The following NDRG4 variants were observed in gnomAD, a reference collection of about 807,000 sequenced individuals.
NDRG4 encodes the protein NDRG family member 4, also known as protein NDRG4.
NDRG4 carries 38 observed loss-of-function variants against 55.8 expected under a neutral mutation model. The ratio of observed to expected loss-of-function variants is 0.68; its 90% CI spans 0.53 to 0.89. NDRG4 has a LOEUF of 0.89. Among genes scored for constraint, NDRG4 ranks in the 40% least tolerant of loss-of-function variants. The pLI, the probability that NDRG4 is intolerant of heterozygous loss-of-function variation, is 0.00. For synonymous variants in NDRG4, 190 were observed against 182.7 expected (o/e 1.04, Z -0.32); for missense variants, 455 against 468.6 (o/e 0.97, Z 0.27).
intron 5 of NDRG4, among the ~76,000 whole-genome samples, chr16:58,505,166 G>A (rs558288013): frequency 8.6e-4 from 131 of 152,098 alleles, no homozygotes; most frequent in East Asian, 2.9e-3. Flanking sequence ...TGGCTAACAC[G>A]GTGAAACCCA....
At chr16:58,505,767 G>A (rs2037884060) in intron 5 of NDRG4, among the ~76,000 whole-genome samples, 1 of 121,988 alleles carries the variant, frequency 8.2e-6, no homozygotes, top group Admixed American at 1.0e-4. Flanking sequence ...TGTCGTCCAG[G>A]CTGGAGTGCA....
chr16:58,508,568 G>A (rs1458011776), intron 10 of NDRG4, among the ~76,000 whole-genome samples: 1 of 152,146 alleles, frequency 6.6e-6, no homozygotes, highest in African/African-American at 2.4e-5. Context: ...CCCACTGGGA[G>A]GTCCTGGAAG....
rs1486534611 is a variant in NDRG4 at position 58,512,908 on chromosome 16, G to T, written c.*1332G>T. 1 of 152,658 alleles carries T rather than the reference G, an allele frequency of 6.6e-6. No individual in the cohort carries two copies. The highest frequency in any genetic ancestry group is 1.9e-4 in the East Asian group (1 of 5,188). 9.5% of individuals were successfully genotyped at this position (152,658 alleles called of 1,614,324 possible). On this transcript the variant is annotated 3_prime_UTR_variant, in exon 15 of 15. Transcript: ENST00000570248. ...TGTGGACGGGGGAAGGGTTGTGGCG[G>T]GTGTTCTGAGGCTGAGAGGACACCT...
upstream of NDRG4, chr16:58,499,998 T>C (rs1018025348): frequency 2.1e-5 from 21 of 1,012,980 alleles, no homozygotes; most frequent in Non-Finnish European, 2.8e-5. Context: ...AGAAGCCAAT[T>C]GGAGCCAGGC....
chr16:58,505,138 A>G (rs905083474), intron 5 of NDRG4, among the ~76,000 whole-genome samples: 1 of 152,190 alleles, frequency 6.6e-6, no homozygotes, highest in Non-Finnish European at 1.5e-5. Flanking sequence ...TCACGAGGTC[A>G]GGAGATCAAG....
chr16:58,503,894 G>A lies in NDRG4; in HGVS notation c.118G>A (p.Gly40Ser). 1 of 1,613,666 alleles carries A rather than the reference G, an allele frequency of 6.2e-7. No homozygotes were observed. The highest frequency in any genetic ancestry group is 8.5e-7 in the Non-Finnish European group (1 of 1,179,968). ...RPAILTYHDV[G>S]LNHKLCFNTF... is the part of the protein sequence containing the mutation. ...AGCCATCCTCACCTACCATGATGTGGGCCTCAACCGTAAGTGCAGCCCAGC... is the reference window on the plus strand; with the variant it reads ...AGCCATCCTCACCTACCATGATGTGAGCCTCAACCGTAAGTGCAGCCCAGC... Residue 40 changes from glycine (G) to serine (S), a missense_variant, in exon 2 of 15, where the codon GGC becomes AGC. Transcript: ENST00000570248.
At chr16:58,465,955 C>T (rs999512827) in intron 1 of NDRG4, among the ~76,000 whole-genome samples, 1 of 152,158 alleles carries the variant, frequency 6.6e-6, no homozygotes, top group Admixed American at 6.5e-5. Flanking sequence ...GGAAGGGAAC[C>T]GCGCAGGCCA....
chr16:58,467,066 G>C (rs2031831618), intron 1 of NDRG4, among the ~76,000 whole-genome samples: 1 of 152,182 alleles, frequency 6.6e-6, no homozygotes, highest in African/African-American at 2.4e-5. Context: ...ACTTTATTGT[G>C]GTGGCACACA....
At position 58,504,253 on chromosome 16, in the gene NDRG4, G is replaced by A; in HGVS notation, c.227G>A (p.Gly76Glu). ...CHVDAPGQQV[G>E]ASQFPQGYQF... ...GTGGATGCCCCTGGACAACAGGTGG[G>A]GGCGTCGCAGTTTCCTCAGGGGTAG... Residue 76 changes from glycine (G) to glutamate (E), a missense_variant, in exon 3 of 15, where the codon GGG (glycine) becomes GAG (glutamate). By Grantham distance (98) the Gly-to-Glu change is moderately conservative. Transcript: ENST00000570248. 1 of 1,614,148 alleles carries A rather than the reference G, an allele frequency of 6.2e-7. No homozygotes were observed.
chr16:58,468,351 G>T (rs1378115286), intron 1 of NDRG4, among the ~76,000 whole-genome samples: 1 of 152,224 alleles, frequency 6.6e-6, no homozygotes, highest in African/African-American at 2.4e-5. Context: ...TCTCCCCTGT[G>T]CTTCTCAGCT....
downstream of NDRG4, among the ~76,000 whole-genome samples, chr16:58,513,991 AG>A (rs1209943864): frequency 6.6e-6 from 1 of 152,144 alleles, no homozygotes; most frequent in Non-Finnish European, 1.5e-5. Flanking sequence ...ACAGCTCTCC[AG>A]AAAAAAATGC....
rs759655049 is a variant in NDRG4 at position 58,509,190 on chromosome 16, G to T, written c.813+1G>T. The T allele has an allele frequency of 1.2e-6, 2 of 1,614,050 alleles. No individual in the cohort carries two copies. Among genetic ancestry groups the T allele is most frequent in the Admixed American group, 3.3e-5 (2 of 60,030 alleles). On this transcript the variant is annotated splice_donor_variant, in intron 12 of 14. Transcript: ENST00000570248. LOFTEE classifies it high-confidence loss of function. The stretch of plus-strand genomic sequence containing the variant: ...TGGAGGGCTGCCCCAGGTCACACAG[G>T]TGAGACTTTTGGCCCTCCTGCCCTT...
intron 1 of NDRG4, chr16:58,463,994 G>T (rs2031050729): frequency 6.5e-6 from 1 of 154,908 alleles, no homozygotes; most frequent in Admixed American, 6.6e-5. Context: ...CCTCCTCCCC[G>T]CGGCTCCCGC....
At position 58,464,884 on chromosome 16, in the gene NDRG4, G is replaced by A; in HGVS notation, c.-24+1087G>A. The A allele has an allele frequency of 8.4e-7, 1 of 1,183,768 alleles. No homozygotes were observed. The highest frequency in any genetic ancestry group is 1.7e-5 in the South Asian group (1 of 59,416). 73.3% of individuals were successfully genotyped at this position (1,183,768 alleles called of 1,614,324 possible). A position where few individuals can be genotyped will look rare whatever the true frequency, so the allele number is the denominator to read the frequency against. Reference sequence around the variant, plus strand: ...ACAATCTGAGCCGTCTTTCTCTGGGGGAGAAGTTTCTTGCTGGGAGTGGAG... The same window carrying A: ...ACAATCTGAGCCGTCTTTCTCTGGGAGAGAAGTTTCTTGCTGGGAGTGGAG... On this transcript the variant is annotated intron_variant, in intron 1 of 15. Coordinates refer to the NDRG4 transcript ENST00000258187. The surrounding 1 kb of genome is among the most constrained non-coding windows in gnomAD (Gnocchi z 4.8).
rs1470474800 is a variant in NDRG4 at position 58,513,166 on chromosome 16, A to ATGTGTGTGTGTGTG, written c.*1591_*1592insGTGTGTGTGTGTGT. 2 of 47,282 alleles carry ATGTGTGTGTGTGTG rather than the reference A, an allele frequency of 4.2e-5. No individual in the cohort carries two copies. Among genetic ancestry groups the ATGTGTGTGTGTGTG allele is most frequent in the East Asian group, 1.0e-3 (1 of 1,000 alleles). The allele number at this position is 47,282 out of a possible 1,614,324, so 2.9% of individuals were successfully genotyped here. A position where few individuals can be genotyped will look rare whatever the true frequency, so the allele number is the denominator to read the frequency against. On this transcript the variant is annotated 3_prime_UTR_variant, in exon 15 of 15. Transcript: ENST00000570248. ...ATGTATCTATAAATATCTATACATT[A>ATGTGTGTGTGTGTG]TATGTGTGTGTGTGTGTGTGTGTGT...
chr16:58,501,753 G>A (rs1310994197), intron 1 of NDRG4: 2 of 318,496 alleles, frequency 6.3e-6, no homozygotes, highest in South Asian at 2.4e-5. Context: ...GCCTGATCAC[G>A]TCACCTCAGG....
intron 2 of NDRG4, among the ~76,000 whole-genome samples, chr16:58,492,535 T>A (rs932795836): frequency 1.1e-4 from 9 of 80,788 alleles, no homozygotes; most frequent in African/African-American, 2.8e-4. Context: ...TGTGTGTGTG[T>A]GTGTGTGTGT....
At chr16:58,484,776 C>G (rs1467903337) in intron 1 of NDRG4, among the ~76,000 whole-genome samples, 1 of 152,136 alleles carries the variant, frequency 6.6e-6, no homozygotes. Context: ...GGCGTTCGCC[C>G]ACCTCTGTGC....
chr16:58,464,129 C>T lies in NDRG4; in HGVS notation c.-24+332C>T, dbSNP rs2031097987. 3.0e-6 allele frequency: 1 copy of T among 335,790 alleles called. No individual in the cohort carries two copies. Among genetic ancestry groups the T allele is most frequent in the Non-Finnish European group, 5.4e-6 (1 of 186,728 alleles). The allele number at this position is 335,790 out of a possible 1,614,324, so 20.8% of individuals were successfully genotyped here. A position where few individuals can be genotyped will look rare whatever the true frequency, so the allele number is the denominator to read the frequency against. On this transcript the variant is annotated intron_variant, in intron 1 of 15. Coordinates refer to the NDRG4 transcript ENST00000258187. The surrounding 1 kb of genome is among the most constrained non-coding windows in gnomAD (Gnocchi z 4.8). ...GGCGGGCACGGGGGACCACCTCCCA[C>T]GGTGTCACCGCACCCACCCCGCGCC...
Sources: allele counts gnomAD v4.1 joint callset (sites outside exome capture counted in the v4.1 genomes callset), GRCh38; gene constraint gnomAD v4.1.1; non-coding constraint Gnocchi (gnomAD v3.1); transcripts MANE v1.5; gene names NCBI Gene and HGNC (gene_info 2026-07-23, HGNC 2026-07-21).